Variants in HIVEP3 observed in about 807,000 individuals in gnomAD.
The protein encoded by HIVEP3 is HIVEP zinc finger 3.
HIVEP3 carries 49 observed loss-of-function variants against 152.8 expected under a neutral mutation model. The ratio of observed to expected loss-of-function variants is 0.32; its 90% CI spans 0.26 to 0.41. HIVEP3 has a LOEUF of 0.41. Ranked by LOEUF, HIVEP3 falls within the 10% of genes least tolerant of loss-of-function variation. HIVEP3 has a pLI of 1.00. For missense variants in HIVEP3, 2,790 were observed against 3,103.3 expected (o/e 0.90, Z 2.40); for synonymous variants, 1,269 against 1,289.0 (o/e 0.98, Z 0.33).
chr1:41,986,398 G>C (rs2124513429), intron 1 of HIVEP3, among the ~76,000 whole-genome samples: 1 of 150,720 alleles, frequency 6.6e-6, no homozygotes, highest in East Asian at 1.9e-4. Context: ...TGAACAAGTG[G>C]TACAGCTTTA....
intron 1 of HIVEP3, among the ~76,000 whole-genome samples, chr1:41,934,253 GC>G (rs1645009096): frequency 6.6e-6 from 1 of 152,060 alleles, no homozygotes; most frequent in South Asian, 2.1e-4. Flanking sequence ...TATCCCTAGG[GC>G]TTTGCCCGCT....
chr1:41,978,911 T>C (rs1645278514), intron 1 of HIVEP3, among the ~76,000 whole-genome samples: 1 of 152,130 alleles, frequency 6.6e-6, no homozygotes, highest in African/African-American at 2.4e-5. Flanking sequence ...CAACGATCAC[T>C]GCACCAGACT....
In HIVEP3 at chr1:41,753,664, G is replaced by A. The variant is rs577488312; in HGVS notation, c.-800-52669C>T. Among the ~76,000 whole-genome samples the A allele has an allele frequency of 2.2e-4, 13 of 57,886 alleles. 1 individual carries two copies. The South Asian group carries it at 4.0e-3, about 18-fold the overall frequency. 38.0% of individuals were successfully genotyped at this position (57,886 alleles called of 152,430 possible). A position where few individuals can be genotyped will look rare whatever the true frequency, so the allele number is the denominator to read the frequency against. On this transcript the variant is annotated intron_variant, in intron 1 of 8. Transcript: ENST00000372583. ...GCCTGGGACACAGGAGAGAAACGCC[G>A]TCTCAAAAATAAATAAATAAATAAA...
At chr1:41,826,037 C>T (rs1161714220) in intron 1 of HIVEP3, among the ~76,000 whole-genome samples, 1 of 152,154 alleles carries the variant, frequency 6.6e-6, no homozygotes, top group Non-Finnish European at 1.5e-5. Flanking sequence ...CTGTGCAGTG[C>T]ATGACCTGTG....
intron 1 of HIVEP3, among the ~76,000 whole-genome samples, chr1:41,831,939 C>T (rs752345306): frequency 2.6e-5 from 4 of 152,298 alleles, no homozygotes; most frequent in South Asian, 2.1e-4. Context: ...CCAAAGTCAT[C>T]GAACTAATAA....
At chr1:42,032,167 C>G (rs1645616715) in intron 1 of HIVEP3, among the ~76,000 whole-genome samples, 1 of 152,222 alleles carries the variant, frequency 6.6e-6, no homozygotes, top group Non-Finnish European at 1.5e-5. Context: ...CAACTCCAAA[C>G]AGTCACACCC....
intron 3 of HIVEP3, among the ~76,000 whole-genome samples, chr1:41,595,841 C>T (rs925378696): frequency 9.2e-5 from 14 of 152,176 alleles, no homozygotes; most frequent in African/African-American, 2.7e-4. Context: ...AAACATTGGA[C>T]GCCAAGTTCT....
rs1023575344 is a variant in HIVEP3, at chr1:41,888,197, G to C, written c.-801+30216C>G. 2.9e-5 allele frequency among the ~76,000 whole-genome samples: 4 copies of C among 140,282 alleles called. No homozygotes were observed. In the East Asian group the frequency reaches 8.3e-4, roughly 29 times the overall value. The allele number at this position is 140,282 out of a possible 152,430, so 92.0% of individuals were successfully genotyped here. A position where few individuals can be genotyped will look rare whatever the true frequency, so the allele number is the denominator to read the frequency against. On this transcript the variant is annotated intron_variant, in intron 1 of 8. Transcript: ENST00000372583. The stretch of plus-strand genomic sequence containing the variant: ...ACTACAGGCACCCACCACCACGCCC[G>C]GCTAATTTTTTTTTTTTTTTTTTTT...
chr1:41,527,136 TCACA>T (rs541934911), intron 5 of HIVEP3, among the ~76,000 whole-genome samples: 1,195 of 90,514 alleles, frequency 0.013, 8 homozygotes, highest in South Asian at 0.028. Context: ...ACACACACCC[TCACA>T]CACCCTCACA....
chr1:41,711,350 C>T (rs912029170), intron 1 of HIVEP3, among the ~76,000 whole-genome samples: 4 of 152,228 alleles, frequency 2.6e-5, no homozygotes, highest in Admixed American at 2.6e-4. Context: ...GTTCCCTCTC[C>T]AGCTCGCTCA....
At chr1:41,778,055 G>A (rs1213604737) in intron 1 of HIVEP3, among the ~76,000 whole-genome samples, 1 of 152,148 alleles carries the variant, frequency 6.6e-6, no homozygotes, top group Non-Finnish European at 1.5e-5. Context: ...TCCTGGGGGT[G>A]TTGTTCTGGT....
At chr1:41,839,819 G>A (rs1203379941) in intron 1 of HIVEP3, among the ~76,000 whole-genome samples, 1 of 152,156 alleles carries the variant, frequency 6.6e-6, no homozygotes, top group Non-Finnish European at 1.5e-5. Context: ...AGCCCCCGGT[G>A]ACCACCCTGG....
At chr1:41,619,042 T>C (rs1324198240) in intron 3 of HIVEP3, among the ~76,000 whole-genome samples, 1 of 138,214 alleles carries the variant, frequency 7.2e-6, no homozygotes, top group Non-Finnish European at 1.5e-5. Flanking sequence ...CTCCACAGCC[T>C]CCTTCGGCAG....
chr1:41,952,732 T>C (rs1054273941), intron 1 of HIVEP3, among the ~76,000 whole-genome samples: 2 of 152,136 alleles, frequency 1.3e-5, no homozygotes, highest in South Asian at 4.2e-4. Context: ...GCAAGACAAG[T>C]TCATTAAAGA....
intron 1 of HIVEP3, among the ~76,000 whole-genome samples, chr1:42,002,726 C>G (rs1184315914): frequency 6.6e-6 from 1 of 152,192 alleles, no homozygotes; most frequent in Non-Finnish European, 1.5e-5. Context: ...GGGTTCCACT[C>G]TCCTGTACAA....
At chr1:41,837,876 G>A (rs1448953629) in intron 1 of HIVEP3, among the ~76,000 whole-genome samples, 1 of 152,112 alleles carries the variant, frequency 6.6e-6, no homozygotes, top group Non-Finnish European at 1.5e-5. Context: ...GGCCATCTCT[G>A]TCTCTCCCAT....
intron 1 of HIVEP3, among the ~76,000 whole-genome samples, chr1:41,941,504 G>T (rs1211035098): frequency 6.6e-6 from 1 of 152,198 alleles, no homozygotes; most frequent in Non-Finnish European, 1.5e-5. Flanking sequence ...GGAAGTATGA[G>T]GGAATTCCCA....
intron 5 of HIVEP3, among the ~76,000 whole-genome samples, chr1:41,527,241 C>CACA (rs1642997644): frequency 9.7e-6 from 1 of 103,212 alleles, no homozygotes; most frequent in Non-Finnish European, 2.0e-5. Context: ...CACACACTCA[C>CACA]CTCACACACA....
chr1:41,585,721 CAG>C (rs1644494627), intron 3 of HIVEP3, among the ~76,000 whole-genome samples: 1 of 152,156 alleles, frequency 6.6e-6, no homozygotes, highest in Non-Finnish European at 1.5e-5. Flanking sequence ...ATCGGTAAAA[CAG>C]ATAACAAATC....
Sources: gnomAD v4.1 joint callset for allele counts (sites outside exome capture counted in the v4.1 genomes callset) on GRCh38, gnomAD v4.1.1 for gene constraint, MANE v1.5 for transcripts, NCBI Gene and HGNC (gene_info 2026-07-23, HGNC 2026-07-21) for gene names.